The following ARHGAP44 variants were observed in gnomAD, a reference collection of about 807,000 sequenced individuals.
The protein encoded by ARHGAP44 is Rho GTPase activating protein 44.
ARHGAP44 carries 43 observed loss-of-function variants against 106.8 expected under a neutral mutation model. The ratio of observed to expected loss-of-function variants is 0.40; its 90% CI spans 0.32 to 0.52. The LOEUF (loss-of-function observed/expected upper bound fraction) is 0.52. Ranked by LOEUF, ARHGAP44 falls within the 20% of genes least tolerant of loss-of-function variation. The pLI, the probability that ARHGAP44 is intolerant of heterozygous loss-of-function variation, is 0.48. For synonymous variants in ARHGAP44, 439 were observed against 410.3 expected, an observed-to-expected ratio of 1.07 and a Z score of -0.85; for missense variants, 866 against 1,050.5, an observed-to-expected ratio of 0.82 and a Z score of 2.43.
Position 12,958,822 on chromosome 17 carries a change from G to A in ARHGAP44, c.1448G>A (p.Arg483His), listed in dbSNP as rs370139578. 45 of 1,599,280 alleles carry A rather than the reference G, an allele frequency of 2.8e-5. No homozygotes were observed. The highest frequency in any genetic ancestry group is 6.8e-5 in the South Asian group (6 of 88,502). The change falls in exon 16 of 21, where the codon CGC (arginine) becomes CAC (histidine). Residue 483 changes from arginine (R) to histidine (H), a missense_variant. Arg to His is a conservative substitution (Grantham distance 29). This residue lies in a region of ARHGAP44 where 448 missense variants were observed against 646.9 expected (regional missense o/e 0.69). Coordinates refer to ENST00000379672, the MANE Select transcript of ARHGAP44 (RefSeq NM_014859.6). The surrounding 1 kb of genome is among the most constrained non-coding windows in gnomAD (Gnocchi z 4.1). ...CCAGACATGGACCCTGCTGACCGGC[G>A]CCAGCCCGAGCAGGCCCGCCGGCCC... ...PSPDMDPADR[R>H]QPEQARRPLS...
chr17:12,918,445 A>C (rs1195099859), intron 5 of ARHGAP44, among the ~76,000 whole-genome samples: 1 of 152,076 alleles, frequency 6.6e-6, no homozygotes, highest in Non-Finnish European at 1.5e-5. Flanking sequence ...ATCCTGCCCT[A>C]CTTTTGCTGG....
At chr17:12,978,035 T>TAAAAAAAAAAAAAAAA (rs757585682) in intron 18 of ARHGAP44, among the ~76,000 whole-genome samples, 2,260 of 55,358 alleles carry the variant, frequency 0.041, 362 homozygotes, top group African/African-American at 0.047. Context: ...AGACTCCATC[T>TAAAAAAAAAAAAAAAA]CAAAAAAAAA....
chr17:12,959,667 G>A (rs2039211345), intron 16 of ARHGAP44, among the ~76,000 whole-genome samples: 1 of 152,210 alleles, frequency 6.6e-6, no homozygotes, highest in Non-Finnish European at 1.5e-5. Flanking sequence ...GCAAGCTGCA[G>A]GCATCCACGA....
At chr17:12,846,827 G>T (rs1276979475) in intron 1 of ARHGAP44, among the ~76,000 whole-genome samples, 1 of 152,150 alleles carries the variant, frequency 6.6e-6, no homozygotes, top group Non-Finnish European at 1.5e-5. Context: ...GTTCCTTTAG[G>T]CAGTTGAATT....
intron 1 of ARHGAP44, among the ~76,000 whole-genome samples, chr17:12,851,583 C>T (rs1037639874): frequency 1.3e-5 from 2 of 152,008 alleles, no homozygotes; most frequent in African/African-American, 2.4e-5. Context: ...TACAGGCATG[C>T]GCCACCACGC....
In ARHGAP44 at chr17:12,906,320, A is replaced by G. The variant is rs547185606; in HGVS notation, c.199-2577A>G. Among the ~76,000 whole-genome samples the G allele has an allele frequency of 3.3e-5, 5 of 152,248 alleles. No homozygotes were observed. In the East Asian group the frequency reaches 5.8e-4, roughly 18 times the overall value. On this transcript the variant is annotated intron_variant, in intron 3 of 20. Coordinates refer to ENST00000379672, the MANE Select transcript of ARHGAP44 (RefSeq NM_014859.6). ...CTGAACACCAGGTGTATGTCTTGCA[A>G]TTTATTCTGACACTGTATACCTGGA... is the stretch of plus-strand genomic sequence containing the variant.
intron 9 of ARHGAP44, among the ~76,000 whole-genome samples, 163 bp from the exon 10 acceptor site, chr17:12,943,906 C>T (rs921540333): frequency 2.6e-5 from 4 of 152,186 alleles, no homozygotes; most frequent in East Asian, 1.9e-4. Flanking sequence ...CCCACCCCCT[C>T]CTCCAGTCCT....
intron 16 of ARHGAP44, among the ~76,000 whole-genome samples, chr17:12,969,723 T>G (rs78467798): frequency 0.1 from 15,797 of 152,256 alleles, 942 homozygotes; most frequent in South Asian, 0.2. Context: ...CTTAGCTAGC[T>G]AGACCCTACT....
At chr17:12,957,535 G>T (rs1187048360) in intron 15 of ARHGAP44, among the ~76,000 whole-genome samples, 3 of 152,110 alleles carry the variant, frequency 2.0e-5, no homozygotes, top group Non-Finnish European at 4.4e-5. Flanking sequence ...CCTAGGTTGT[G>T]CCCTTTGAGT....
chr17:12,980,478 A>G lies in ARHGAP44; in HGVS notation c.1939+245A>G, dbSNP rs1389942621. ...GCCAGTGCTTCCCATACACCAAATGATGCCACCAGGGCAAAATTCATTGTC... is the reference window on the plus strand; with the variant it reads ...GCCAGTGCTTCCCATACACCAAATGGTGCCACCAGGGCAAAATTCATTGTC... On this transcript the variant is annotated intron_variant, in intron 19 of 20. Coordinates refer to ENST00000379672, the MANE Select transcript of ARHGAP44 (RefSeq NM_014859.6). Among the ~76,000 whole-genome samples, 4 of 152,166 alleles carry G rather than the reference A, an allele frequency of 2.6e-5. No homozygotes were observed. The East Asian group carries it at 7.7e-4, about 29-fold the overall frequency.
At chr17:12,945,113 C>T (rs2038818243) in intron 10 of ARHGAP44, among the ~76,000 whole-genome samples, 2 of 151,558 alleles carry the variant, frequency 1.3e-5, no homozygotes, top group Non-Finnish European at 2.9e-5. Context: ...TGGGTTCAAG[C>T]GATTCTCCTG....
chr17:12,959,081 A>G, intron 16 of ARHGAP44, 184 bp downstream of exon 16: 1 of 686,118 alleles, frequency 1.5e-6, no homozygotes, highest in South Asian at 1.7e-5. Flanking sequence ...GCCGCCCTTT[A>G]GACCAGAGGT....
intron 1 of ARHGAP44, among the ~76,000 whole-genome samples, chr17:12,870,916 C>T (rs142390272): frequency 3.3e-5 from 5 of 152,266 alleles, no homozygotes; most frequent in East Asian, 3.9e-4. Context: ...GACTCTTCTA[C>T]TCTTTTCTTT....
At chr17:12,790,026 C>T (rs992743393) in intron 1 of ARHGAP44, 135 bp downstream of exon 1, 19 of 834,412 alleles carry the variant, frequency 2.3e-5, no homozygotes, top group Non-Finnish European at 3.3e-5. Flanking sequence ...TCCCTCCAGG[C>T]GCCGCTCGCA....
At chr17:12,888,841 C>T (rs1435523265) in intron 1 of ARHGAP44, among the ~76,000 whole-genome samples, 1 of 151,980 alleles carries the variant, frequency 6.6e-6, no homozygotes, top group South Asian at 2.1e-4. Context: ...ATTTCATGCT[C>T]CCCTTTATCT....
chr17:12,963,690 G>A (rs1460325847), intron 16 of ARHGAP44, among the ~76,000 whole-genome samples: 1 of 151,706 alleles, frequency 6.6e-6, no homozygotes, highest in South Asian at 2.1e-4. Context: ...CAGACAGGCC[G>A]GCCATGCACC....
Position 12,879,355 on chromosome 17 carries a change from T to A in ARHGAP44, c.54-15585T>A, listed in dbSNP as rs539837799. Among the ~76,000 whole-genome samples, 73 of 152,344 alleles carry A rather than the reference T, an allele frequency of 4.8e-4. 1 individual carries two copies. Among genetic ancestry groups the A allele is most frequent in the Admixed American group, 2.2e-3 (33 of 15,300 alleles). On this transcript the variant is annotated intron_variant, in intron 1 of 20. Transcript: ENST00000379672. ...TCCATGGTGTATATCACATTTTCTT[T>A]ATCCACTCATTGATCAGTGGGCATT...
At chr17:12,947,135 G>A (rs1166552651) in intron 10 of ARHGAP44, among the ~76,000 whole-genome samples, 2 of 152,074 alleles carry the variant, frequency 1.3e-5, no homozygotes, top group Admixed American at 6.6e-5. Context: ...TCTTAAAATA[G>A]CTCTCAACAT....
At chr17:12,930,320 G>A (rs562782778) in intron 7 of ARHGAP44, among the ~76,000 whole-genome samples, 7 of 151,358 alleles carry the variant, frequency 4.6e-5, no homozygotes, top group South Asian at 2.1e-4. Flanking sequence ...CGCAACTTCC[G>A]TCTCCCAGGT....
Sources: allele counts gnomAD v4.1 joint callset (sites outside exome capture counted in the v4.1 genomes callset), GRCh38; gene constraint gnomAD v4.1.1; regional missense constraint gnomAD v4.1.1; non-coding constraint Gnocchi (gnomAD v3.1); transcripts MANE v1.5; gene names NCBI Gene and HGNC (gene_info 2026-07-23, HGNC 2026-07-21).